GABRB3: variants seen among roughly 807,000 people sequenced by gnomAD.
The protein encoded by GABRB3 is gamma-aminobutyric acid receptor subunit beta-3.
GABRB3 carries 14 observed loss-of-function variants against 52.1 expected under a neutral mutation model. The observed-to-expected ratio is 0.27, with a 90% CI of 0.18 to 0.42. GABRB3 has a LOEUF of 0.42. Among genes scored for constraint, GABRB3 ranks in the 10% least tolerant of loss-of-function variants. The probability of loss-of-function intolerance (pLI) is 1.00; values close to 1 mark genes in which losing one functional copy is unlikely to be tolerated. For synonymous variants in GABRB3, 260 were observed against 232.3 expected (o/e 1.12, Z -1.08); for missense variants, 307 against 609.1 (o/e 0.50, Z 5.22).
chr15:26,570,574 T>A (rs994789871), intron 6 of GABRB3, among the ~76,000 whole-genome samples: 6 of 152,198 alleles, frequency 3.9e-5, no homozygotes, highest in African/African-American at 1.4e-4. Context: ...TTTCCCAAAT[T>A]AACTTCAGTT....
At position 26,602,261 on chromosome 15, in the gene GABRB3, C is replaced by A. The variant is rs527751270; in HGVS notation, c.462-18847G>T. On this transcript the variant is annotated intron_variant, in intron 4 of 8. Coordinates refer to ENST00000311550, the MANE Select transcript of GABRB3 (RefSeq NM_000814.6). ...ATACTGGAGCATCCAGATGCATAAA[C>A]AAATATTATAAGAGCCAAAGAGAGA... Among the ~76,000 whole-genome samples, 36 of 152,168 alleles carry A rather than the reference C, an allele frequency of 2.4e-4. No homozygotes were observed. The South Asian group carries it at 7.5e-3, about 32-fold the overall frequency.
upstream of GABRB3, chr15:26,773,533 C>G: frequency 1.4e-6 from 1 of 718,638 alleles, no homozygotes; most frequent in Non-Finnish European, 2.1e-6. Flanking sequence ...CGACGACCAC[C>G]GCCCGCTGCA....
chr15:26,555,349 T>G (rs775493421), intron 8 of GABRB3, among the ~76,000 whole-genome samples: 5 of 152,182 alleles, frequency 3.3e-5, no homozygotes, highest in Non-Finnish European at 5.9e-5. Flanking sequence ...CTTCAGGAAC[T>G]GCACAGGGAG....
At chr15:26,596,060 T>C (rs542036947) in intron 4 of GABRB3, among the ~76,000 whole-genome samples, 1 of 152,230 alleles carries the variant, frequency 6.6e-6, no homozygotes, top group African/African-American at 2.4e-5. Context: ...GGGGTAGGCA[T>C]GTACAGACGT....
chr15:26,560,822 T>C, intron 8 of GABRB3, 110 bp downstream of exon 8: 1 of 1,476,592 alleles, frequency 6.8e-7, no homozygotes, highest in Non-Finnish European at 9.4e-7. Flanking sequence ...AAGAAGGGTG[T>C]GTGGCTTGAC....
In GABRB3 at chr15:26,568,976, T is replaced by C. The variant is rs182176057; in HGVS notation, c.683-1243A>G. Reference sequence around the variant, plus strand: ...AACCCAATGACCCTCTCTAATCAGCTCCTCTGATTGCTCCCCCACACTAGC... The same window carrying C: ...AACCCAATGACCCTCTCTAATCAGCCCCTCTGATTGCTCCCCCACACTAGC... On this transcript the variant is annotated intron_variant, in intron 6 of 8. Transcript: ENST00000311550. Among the ~76,000 whole-genome samples, 6 of 152,218 alleles carry C rather than the reference T, an allele frequency of 3.9e-5. No homozygotes were observed. The East Asian group carries it at 9.7e-4, about 25-fold the overall frequency.
intron 4 of GABRB3, among the ~76,000 whole-genome samples, chr15:26,584,911 C>G (rs1007656455): frequency 2.0e-5 from 3 of 152,134 alleles, no homozygotes; most frequent in African/African-American, 7.2e-5. Context: ...AGTTGAAAGG[C>G]AGAGTGGAGC....
rs1365064301 is a variant in GABRB3, at chr15:26,544,402, G to A, written c.*3391C>T. On this transcript the variant is annotated 3_prime_UTR_variant, in exon 9 of 9. Transcript: ENST00000311550. ...AACGCTGTGTTTGGACAAGAGAGAA[G>A]TGCCTTTCAGGGAGTGACTGAACAT... The A allele has an allele frequency of 6.6e-6, 1 of 152,616 alleles. No individual in the cohort carries two copies. The allele number at this position is 152,616 out of a possible 1,614,324, so 9.5% of individuals were successfully genotyped here.
intron 3 of GABRB3, among the ~76,000 whole-genome samples, chr15:26,655,976 T>C (rs1446838979): frequency 6.6e-6 from 1 of 152,238 alleles, no homozygotes; most frequent in Non-Finnish European, 1.5e-5. Context: ...TTTTATATTA[T>C]GGTTATTAAA....
intron 3 of GABRB3, among the ~76,000 whole-genome samples, chr15:26,665,486 T>A (rs1408421821): frequency 6.6e-6 from 1 of 152,252 alleles, no homozygotes; most frequent in Non-Finnish European, 1.5e-5. Flanking sequence ...ATAGCTGTAG[T>A]AATGACAGTA....
At chr15:26,567,518 T>C in intron 7 of GABRB3, 63 bp downstream of exon 7, 1 of 1,526,356 alleles carries the variant, frequency 6.6e-7, no homozygotes, top group South Asian at 1.1e-5. Flanking sequence ...GCCTTTGAAC[T>C]CTCTTAATAC....
At chr15:26,650,509 A>G (rs1161730335) in intron 3 of GABRB3, among the ~76,000 whole-genome samples, 1 of 152,046 alleles carries the variant, frequency 6.6e-6, no homozygotes, top group Non-Finnish European at 1.5e-5. Flanking sequence ...TTTGATAGCA[A>G]CAGGAGGCAG....
intron 8 of GABRB3, among the ~76,000 whole-genome samples, chr15:26,556,665 T>C (rs565663851): frequency 1.3e-5 from 2 of 151,026 alleles, no homozygotes; most frequent in African/African-American, 4.8e-5. Flanking sequence ...AGATACTAAG[T>C]GAATATGTGA....
chr15:26,552,008 CTT>C (rs745331256), intron 8 of GABRB3, among the ~76,000 whole-genome samples: 10 of 141,304 alleles, frequency 7.1e-5, no homozygotes, highest in Admixed American at 1.4e-4. Flanking sequence ...GAAATTTTGA[CTT>C]TTTTTTTTTT....
chr15:26,760,678 A>AATTG (rs146802114), intron 3 of GABRB3, among the ~76,000 whole-genome samples: 7,417 of 152,094 alleles, frequency 0.049, 200 homozygotes, highest in Middle Eastern at 0.1. Flanking sequence ...ATAAATGGAT[A>AATTG]ATTGATTGAT....
chr15:26,642,914 T>C (rs1893244117), intron 3 of GABRB3, among the ~76,000 whole-genome samples: 1 of 152,114 alleles, frequency 6.6e-6, no homozygotes, highest in South Asian at 2.1e-4. Flanking sequence ...TTGATTTCGC[T>C]ACTACACCGG....
chr15:26,580,792 G>C, intron 5 of GABRB3: 1 of 390,562 alleles, frequency 2.6e-6, no homozygotes, highest in Non-Finnish European at 4.9e-6. Flanking sequence ...CAATGAATAA[G>C]ATAGTTTTAA....
At chr15:26,765,147 T>TAAAAA (rs1890962473) in intron 3 of GABRB3, among the ~76,000 whole-genome samples, 3 of 62,836 alleles carry the variant, frequency 4.8e-5, no homozygotes, top group Admixed American at 1.5e-4. Flanking sequence ...AAAAAAAAAG[T>TAAAAA]CAAAACTTCC....
intron 3 of GABRB3, among the ~76,000 whole-genome samples, chr15:26,661,538 A>G (rs532799603): frequency 1.1e-4 from 17 of 152,298 alleles, no homozygotes; most frequent in African/African-American, 4.1e-4. Flanking sequence ...AACATTTACA[A>G]GGTGCTTGGG....
Sources: gnomAD v4.1 joint callset for allele counts (sites outside exome capture counted in the v4.1 genomes callset) on GRCh38, gnomAD v4.1.1 for gene constraint, MANE v1.5 for transcripts, NCBI Gene and HGNC (gene_info 2026-07-23, HGNC 2026-07-21) for gene names.